SGCD: variants seen among roughly 807,000 people sequenced by gnomAD.
The protein encoded by SGCD is delta-sarcoglycan.
A neutral mutation model predicts 36.6 loss-of-function variants in SGCD; 18 were observed. The ratio of observed to expected loss-of-function variants is 0.49; its 90% confidence interval spans 0.34 to 0.73. SGCD has a LOEUF of 0.73. Ranked by LOEUF, SGCD falls within the 30% of genes least tolerant of loss-of-function variation. SGCD has a pLI of 0.01. For synonymous variants in SGCD, 133 were observed against 130.6 expected, an observed-to-expected ratio of 1.02 and a Z score of -0.12; for missense variants, 387 against 346.7, an observed-to-expected ratio of 1.12 and a Z score of -0.92.
At chr5:156,258,731 A>G (rs888637156) in intron 3 of SGCD, among the ~76,000 whole-genome samples, 4 of 152,180 alleles carry the variant, frequency 2.6e-5, no homozygotes, top group South Asian at 4.1e-4. Context: ...TCACTCATCA[A>G]TTCTTTGTTT....
intron 3 of SGCD, among the ~76,000 whole-genome samples, chr5:156,475,321 C>A (rs1015257120): frequency 6.6e-6 from 1 of 152,178 alleles, no homozygotes; most frequent in African/African-American, 2.4e-5. Flanking sequence ...TTCCCCTCCC[C>A]ACAAACCCAT....
intron 6 of SGCD, among the ~76,000 whole-genome samples, chr5:156,600,465 G>A (rs142017201): frequency 1.5e-4 from 23 of 152,158 alleles, no homozygotes; most frequent in Middle Eastern, 3.4e-3. Flanking sequence ...ATGTCCTCTG[G>A]TTTGCCCATT....
At chr5:155,777,740 G>A in the SGCD span, among the ~76,000 whole-genome samples, 8 of 152,180 alleles carry the variant, frequency 5.3e-5, no homozygotes, top group East Asian at 1.5e-3. Context: ...TCTGGTTATG[G>A]TCTTCTTATA....
At chr5:155,764,755 A>C in the SGCD span, among the ~76,000 whole-genome samples, 10 of 152,266 alleles carry the variant, frequency 6.6e-5, no homozygotes, top group East Asian at 1.9e-3. Flanking sequence ...TGACACCATC[A>C]GTCAAGGCCT....
At chr5:156,290,602 G>A (rs772308989) in intron 3 of SGCD, among the ~76,000 whole-genome samples, 1 of 152,088 alleles carries the variant, frequency 6.6e-6, no homozygotes, top group African/African-American at 2.4e-5. Context: ...ATAGTTCCTG[G>A]TACATATTAA....
chr5:156,231,404 C>T (rs773196374), intron 3 of SGCD, among the ~76,000 whole-genome samples: 6 of 152,076 alleles, frequency 3.9e-5, no homozygotes, highest in Non-Finnish European at 8.8e-5. Flanking sequence ...GGCATGGTGG[C>T]ACGTGCTTGT....
intron 3 of SGCD, among the ~76,000 whole-genome samples, chr5:156,141,407 G>C (rs988415163): frequency 1.3e-5 from 2 of 152,224 alleles, no homozygotes; most frequent in African/African-American, 4.8e-5. Context: ...GCAGGCACCT[G>C]ACCCCTGCAT....
At chr5:155,800,827 G>A in the SGCD span, among the ~76,000 whole-genome samples, 1 of 152,024 alleles carries the variant, frequency 6.6e-6, no homozygotes, top group African/African-American at 2.4e-5. Context: ...CTGTTAGTCT[G>A]TGTTTTCCTT....
At chr5:156,030,812 G>C (rs1759334004) in intron 1 of SGCD, among the ~76,000 whole-genome samples, 1 of 152,150 alleles carries the variant, frequency 6.6e-6, no homozygotes, top group South Asian at 2.1e-4. Flanking sequence ...ATTACATGTA[G>C]CTTTAGGAAA....
At chr5:156,016,049 T>G (rs533036190) in intron 1 of SGCD, among the ~76,000 whole-genome samples, 5 of 152,202 alleles carry the variant, frequency 3.3e-5, no homozygotes, top group Admixed American at 3.3e-4. Flanking sequence ...TATGATTCTT[T>G]CAAATTTCAC....
intron 3 of SGCD, among the ~76,000 whole-genome samples, chr5:156,407,313 G>T (rs1355473059): frequency 6.6e-6 from 1 of 152,174 alleles, no homozygotes. Context: ...CCATGCTTAT[G>T]ATGTCAAGGA....
intron 1 of SGCD, among the ~76,000 whole-genome samples, chr5:155,966,963 G>GTGTGTA (rs1217862693): frequency 5.3e-5 from 8 of 149,792 alleles, no homozygotes; most frequent in African/African-American, 2.0e-4. Flanking sequence ...GTGTGTATGT[G>GTGTGTA]TGTGTATGTG....
chr5:156,541,883 C>A (rs1758360973), intron 4 of SGCD, among the ~76,000 whole-genome samples: 1 of 152,172 alleles, frequency 6.6e-6, no homozygotes, highest in African/African-American at 2.4e-5. Context: ...TCTCCAAAGT[C>A]TCTTTTTCTT....
intron 7 of SGCD, among the ~76,000 whole-genome samples, chr5:156,683,346 C>A (rs140082836): frequency 2.0e-4 from 31 of 152,256 alleles, no homozygotes; most frequent in African/African-American, 5.3e-4. Flanking sequence ...AAGCATCATG[C>A]GGACAGGGTA....
intron 7 of SGCD, among the ~76,000 whole-genome samples, chr5:156,671,591 T>C (rs2113658861): frequency 6.6e-6 from 1 of 152,232 alleles, no homozygotes; most frequent in Admixed American, 6.5e-5. Flanking sequence ...TTTTTAAGAA[T>C]GAAGCAGTAA....
intron 3 of SGCD, among the ~76,000 whole-genome samples, chr5:156,456,507 C>T (rs1045476520): frequency 2.0e-5 from 3 of 152,150 alleles, no homozygotes; most frequent in Non-Finnish European, 4.4e-5. Flanking sequence ...GAAAGTAAAA[C>T]TTGTAAGCTA....
chr5:156,436,385 T>C (rs567327794), intron 3 of SGCD, among the ~76,000 whole-genome samples: 2 of 152,338 alleles, frequency 1.3e-5, no homozygotes, highest in South Asian at 4.1e-4. Flanking sequence ...CACAAACAAA[T>C]GGGTTCTTAT....
chr5:155,792,027 C>A, the SGCD span, among the ~76,000 whole-genome samples: 1 of 152,188 alleles, frequency 6.6e-6, no homozygotes, highest in South Asian at 2.1e-4. Context: ...GCTATAATAA[C>A]CAAAACAACA....
chr5:156,393,178 G>C (rs1425717511), intron 3 of SGCD, among the ~76,000 whole-genome samples: 1 of 152,156 alleles, frequency 6.6e-6, no homozygotes, highest in African/African-American at 2.4e-5. Flanking sequence ...AAGAGACAGG[G>C]ACAGGACGGA....
Sources: allele counts gnomAD v4.1 joint callset (sites outside exome capture counted in the v4.1 genomes callset), GRCh38; gene constraint gnomAD v4.1.1; transcripts MANE v1.5; gene names NCBI Gene and HGNC (gene_info 2026-07-23, HGNC 2026-07-21).